Variants in DMXL1 observed in about 807,000 individuals in gnomAD.
DMXL1 encodes dmX-like protein 1.
In DMXL1, 99 loss-of-function variants were observed where a neutral mutation model predicts 319.2. That is an observed-to-expected ratio of 0.31 (90% CI 0.26 to 0.37). The LOEUF (loss-of-function observed/expected upper bound fraction) is 0.37. DMXL1 is among the 10% of genes least tolerant of loss of function. The pLI is 1.00. For missense variants in DMXL1, 3,745 were observed against 3,595.6 expected (o/e 1.04, Z -1.06); for synonymous variants, 1,385 against 1,235.2 (o/e 1.12, Z -2.54).
intron 1 of DMXL1, among the ~76,000 whole-genome samples, chr5:119,091,278 C>G (rs1468019387): frequency 1.3e-5 from 2 of 152,112 alleles, no homozygotes; most frequent in African/African-American, 4.8e-5. Context: ...GAGATCACAG[C>G]TCACTGCAGC....
At chr5:119,083,942 A>G (rs1354918501) in intron 1 of DMXL1, among the ~76,000 whole-genome samples, 2 of 152,180 alleles carry the variant, frequency 1.3e-5, no homozygotes, top group African/African-American at 4.8e-5. Flanking sequence ...TGCATTTTTG[A>G]GAACATCTGC....
At chr5:119,152,110 GT>G in intron 19 of DMXL1, 74 bp downstream of exon 19, 1 of 952,834 alleles carries the variant, frequency 1.0e-6, no homozygotes. Flanking sequence ...TTTTAAACTT[GT>G]TTTTACCCAA....
At chr5:119,121,634 A>G (rs1762079952) in intron 9 of DMXL1, among the ~76,000 whole-genome samples, 2 of 152,140 alleles carry the variant, frequency 1.3e-5, no homozygotes, top group African/African-American at 2.4e-5. Context: ...AAGGCAGAAG[A>G]ATTTTTCTTA....
chr5:119,179,085 A>G (rs1776342293), intron 28 of DMXL1, among the ~76,000 whole-genome samples: 1 of 152,168 alleles, frequency 6.6e-6, no homozygotes, highest in Non-Finnish European at 1.5e-5. Flanking sequence ...CTAAGTGTTC[A>G]TAATACCATG....
rs973839491 is a variant in DMXL1, at chr5:119,167,923, G to A, written c.5398+59G>A. Reference sequence around the variant, plus strand: ...AATATTATTGGTAATTGCTACATGTGCAGATCACTCTATTAGGTGGTAAGG... The same window carrying A: ...AATATTATTGGTAATTGCTACATGTACAGATCACTCTATTAGGTGGTAAGG... On this transcript the variant is annotated intron_variant, in intron 23 of 43. Transcript: ENST00000539542. The A allele has an allele frequency of 8.0e-6, 12 of 1,507,804 alleles. 1 individual carries two copies. In the Admixed American group the frequency reaches 1.6e-4, roughly 20 times the overall value. The allele number at this position is 1,507,804 out of a possible 1,614,324, so 93.4% of individuals were successfully genotyped here.
intron 25 of DMXL1, among the ~76,000 whole-genome samples, chr5:119,174,126 A>G (rs942802381): frequency 6.6e-6 from 1 of 152,042 alleles, no homozygotes; most frequent in Non-Finnish European, 1.5e-5. Context: ...ACAGAGCACA[A>G]TCTGCTTTAA....
At chr5:119,129,931 T>C (rs955976878) in intron 10 of DMXL1, among the ~76,000 whole-genome samples, 11 of 152,192 alleles carry the variant, frequency 7.2e-5, no homozygotes, top group African/African-American at 2.4e-4. Flanking sequence ...CGCATATCAC[T>C]TACACTGTCA....
chr5:119,118,353 A>G (rs758293257), intron 7 of DMXL1, among the ~76,000 whole-genome samples: 1 of 152,222 alleles, frequency 6.6e-6, no homozygotes, highest in African/African-American at 2.4e-5. Context: ...TATCCACTCA[A>G]TAAATCAGAA....
chr5:119,071,053 G>A (rs1448478), upstream of DMXL1, among the ~76,000 whole-genome samples: 7 of 152,190 alleles, frequency 4.6e-5, no homozygotes, highest in South Asian at 2.1e-4. Context: ...GCTGCCCCGA[G>A]CGAAGTCTCG....
rs151164529 is a variant in DMXL1 at position 119,130,276 on chromosome 5, C to G, written c.1315+853C>G. ...TCACACAAACATCTAAATACAGACA[C>G]TTAAAAGTTGTACTGTGGGTGTGCA... On this transcript the variant is annotated intron_variant, in intron 10 of 43. Coordinates refer to ENST00000539542, the MANE Select transcript of DMXL1 (RefSeq NM_001290321.3). Among the ~76,000 whole-genome samples the G allele has an allele frequency of 9.1e-4, 139 of 152,038 alleles. 1 individual carries two copies. The highest frequency in any genetic ancestry group is 3.3e-3 in the African/African-American group (135 of 41,476).
chr5:119,233,681 T>C (rs1196800871), intron 39 of DMXL1, among the ~76,000 whole-genome samples: 1 of 152,166 alleles, frequency 6.6e-6, no homozygotes, highest in Non-Finnish European at 1.5e-5. Flanking sequence ...GTTAAGTGAT[T>C]CTTAATGACC....
intron 5 of DMXL1, among the ~76,000 whole-genome samples, chr5:119,111,936 C>G (rs946566934): frequency 2.0e-4 from 31 of 151,682 alleles, no homozygotes; most frequent in African/African-American, 7.0e-4. Context: ...TGTATACTGT[C>G]AATAAAGCAG....
At chr5:119,098,449 A>AT (rs142373739) in intron 2 of DMXL1, among the ~76,000 whole-genome samples, 4,301 of 148,354 alleles carry the variant, frequency 0.029, 186 homozygotes, top group African/African-American at 0.098. Flanking sequence ...GATTTAGAAT[A>AT]TTTTTTTTTT....
rs188768158 is a variant in DMXL1 at position 119,238,889 on chromosome 5, G to C, written c.8560-100G>C. The C allele has an allele frequency of 1.4e-4, 210 of 1,508,150 alleles. 2 individuals are homozygous for C. In the East Asian group the frequency reaches 3.1e-3, roughly 22 times the overall value. 93.4% of individuals were successfully genotyped at this position (1,508,150 alleles called of 1,614,324 possible). A position where few individuals can be genotyped will look rare whatever the true frequency, so the allele number is the denominator to read the frequency against. On this transcript the variant is annotated intron_variant, in intron 40 of 43. Coordinates refer to ENST00000539542, the MANE Select transcript of DMXL1 (RefSeq NM_001290321.3). Reference sequence around the variant, plus strand: ...GAAAAAAACGATACAGAGGATTTAAGAAAGCCAGAAACTACATGATCACTT... The same window carrying C: ...GAAAAAAACGATACAGAGGATTTAACAAAGCCAGAAACTACATGATCACTT...
intron 40 of DMXL1, 55 bp downstream of exon 40, chr5:119,237,469 C>A: frequency 1.9e-6 from 2 of 1,066,214 alleles, no homozygotes; most frequent in Non-Finnish European, 2.9e-6. Context: ...TTTAAATAAA[C>A]CAAGAATACG....
At position 119,164,649 on chromosome 5, in the gene DMXL1, C is replaced by T. The variant is rs2150226116; in HGVS notation, c.4845C>T (p.Thr1615=). ...AMGVGWWVRN[T]RILRKCIEKV... ...GTGTGGGGTGGTGGGTCCGGAATAC[C>T]CGCATCTTACGCAAATGCATAGAAA... The change falls in exon 20 of 44, where the codon ACC becomes ACT. Residue 1615 remains threonine (T), a synonymous_variant. Transcript: ENST00000539542. 6.2e-7 allele frequency: 1 copy of T among 1,605,302 alleles called. No homozygotes were observed. Among genetic ancestry groups the T allele is most frequent in the African/African-American group, 1.3e-5 (1 of 74,888 alleles).
chr5:119,156,449 A>G (rs937785891), intron 19 of DMXL1, among the ~76,000 whole-genome samples: 1 of 152,226 alleles, frequency 6.6e-6, no homozygotes, highest in Non-Finnish European at 1.5e-5. Context: ...AACCCATGGT[A>G]TCTCCAAGGT....
rs1255069509 is a variant in DMXL1 at position 119,248,796 on chromosome 5, C to G, written c.*1577C>G. The G allele has an allele frequency of 6.6e-6, 1 of 152,442 alleles. No individual in the cohort carries two copies. The highest frequency in any genetic ancestry group is 1.5e-5 in the Non-Finnish European group (1 of 67,922). The allele number at this position is 152,442 out of a possible 1,614,324, so 9.4% of individuals were successfully genotyped here. A position where few individuals can be genotyped will look rare whatever the true frequency, so the allele number is the denominator to read the frequency against. Reference sequence around the variant, plus strand: ...TCATTATGTAGAGAGTTTATATGCACATAATAACCTGTACCTATAAATCGT... The same window carrying G: ...TCATTATGTAGAGAGTTTATATGCAGATAATAACCTGTACCTATAAATCGT... On this transcript the variant is annotated 3_prime_UTR_variant, in exon 44 of 44. Coordinates refer to ENST00000539542, the MANE Select transcript of DMXL1 (RefSeq NM_001290321.3).
chr5:119,164,449 G>T (rs1168435614), intron 19 of DMXL1, 58 bp from the exon 20 acceptor site: 24 of 1,430,424 alleles, frequency 1.7e-5, no homozygotes, highest in Non-Finnish European at 1.9e-5. Context: ...ATACATTTCT[G>T]ATAATCATAT....
Sources: allele counts gnomAD v4.1 joint callset (sites outside exome capture counted in the v4.1 genomes callset), GRCh38; gene constraint gnomAD v4.1.1; transcripts MANE v1.5; gene names NCBI Gene and HGNC (gene_info 2026-07-23, HGNC 2026-07-21).